Variants in OPRD1 observed in about 807,000 individuals in gnomAD.
OPRD1 encodes opioid receptor delta 1, also known as delta-type opioid receptor.
A neutral mutation model predicts 17.5 loss-of-function variants in OPRD1; 19 were observed. The ratio of observed to expected loss-of-function variants is 1.09; its 90% CI spans 0.76 to 1.60. The LOEUF (loss-of-function observed/expected upper bound fraction) is 1.60, where lower values mean the gene tolerates loss of function less well. OPRD1 is among the 40% of genes most tolerant of loss of function. OPRD1 has a pLI of 0.00. For missense variants in OPRD1, 483 were observed against 547.2 expected (o/e 0.88, Z 1.17); for synonymous variants, 256 against 240.9 (o/e 1.06, Z -0.58).
chr1:28,859,844 G>T lies in OPRD1; in HGVS notation c.577+541G>T, dbSNP rs113317085. On this transcript the variant is annotated intron_variant, in intron 2 of 2. Transcript: ENST00000234961. ...GGGAATGACAAATAGGAGCTAAAAT[G>T]GTAATTATAGTAACTGCCTGTATCA... Among the ~76,000 whole-genome samples, 922 of 152,302 alleles carry T rather than the reference G, an allele frequency of 6.1e-3. 7 individuals are homozygous for T. The highest frequency in any genetic ancestry group is 0.021 in the African/African-American group (878 of 41,560).
chr1:28,819,791 G>T (rs924944042), intron 1 of OPRD1, among the ~76,000 whole-genome samples: 1 of 152,194 alleles, frequency 6.6e-6, no homozygotes, highest in Non-Finnish European at 1.5e-5. Context: ...GGGACGTCTA[G>T]GTAGAGAAGC....
At chr1:28,817,501 TG>T (rs1362274474) in intron 1 of OPRD1, among the ~76,000 whole-genome samples, 1 of 152,198 alleles carries the variant, frequency 6.6e-6, no homozygotes, top group Non-Finnish European at 1.5e-5. Flanking sequence ...TAGCAGAATT[TG>T]TAGCACTGAA....
In OPRD1 at chr1:28,864,418, C is replaced by T. The variant is rs572718720; in HGVS notation, c.*1135C>T. On this transcript the variant is annotated 3_prime_UTR_variant, in exon 3 of 3. Coordinates refer to ENST00000234961, the MANE Select transcript of OPRD1 (RefSeq NM_000911.4). ...TGGGGCTTGGGACAGGACAGCAGAG[C>T]GGGGGGCAGCCACTCCAGGATAGGG... The T allele has an allele frequency of 1.0e-3, 154 of 152,642 alleles. 1 individual carries two copies. Among genetic ancestry groups the T allele is most frequent in the South Asian group, 2.5e-3 (12 of 4,834 alleles). 9.5% of individuals were successfully genotyped at this position (152,642 alleles called of 1,614,324 possible). A position where few individuals can be genotyped will look rare whatever the true frequency, so the allele number is the denominator to read the frequency against.
rs768118650 is a variant in OPRD1 at position 28,859,008 on chromosome 1, C to T, written c.282C>T (p.Ala94=). Residue 94 remains alanine, a synonymous_variant, in exon 2 of 3, where the codon GCC becomes GCT. Transcript: ENST00000234961. ...TNIYIFNLAL[A]DALATSTLPF... is the part of the protein sequence containing the mutation. ...TCTACATCTTCAACCTGGCCTTAGCCGATGCGCTGGCCACCAGCACGCTGC... is the reference window on the plus strand; with the variant it reads ...TCTACATCTTCAACCTGGCCTTAGCTGATGCGCTGGCCACCAGCACGCTGC... 1.0e-4 allele frequency: 161 copies of T among 1,613,788 alleles called. No homozygotes were observed. The highest frequency in any genetic ancestry group is 1.6e-4 in the Middle Eastern group (1 of 6,084).
chr1:28,848,521 T>G (rs563988160), intron 1 of OPRD1, among the ~76,000 whole-genome samples: 1 of 152,344 alleles, frequency 6.6e-6, no homozygotes, highest in East Asian at 1.9e-4. Context: ...GTTCAATGTC[T>G]GCCCCCTCCC....
intron 1 of OPRD1, among the ~76,000 whole-genome samples, chr1:28,846,858 C>CTTTCTTTCTTTCT (rs1557575987): frequency 1.4e-3 from 77 of 54,418 alleles, no homozygotes; most frequent in African/African-American, 3.8e-3. Context: ...TTCTTTCTTT[C>CTTTCTTTCTTTCT]TTTCTTTCTT....
At chr1:28,824,520 G>A (rs1177293098) in intron 1 of OPRD1, among the ~76,000 whole-genome samples, 1 of 150,980 alleles carries the variant, frequency 6.6e-6, no homozygotes, top group East Asian at 2.0e-4. Flanking sequence ...GGGTTTCACC[G>A]TGTTAGCCAG....
intron 1 of OPRD1, among the ~76,000 whole-genome samples, chr1:28,839,018 C>T (rs911540479): frequency 6.6e-6 from 1 of 151,722 alleles, no homozygotes; most frequent in Non-Finnish European, 1.5e-5. Flanking sequence ...CTCAAGTGAT[C>T]CTCCTGCCTC....
At chr1:28,843,616 T>C (rs2124277206) in intron 1 of OPRD1, among the ~76,000 whole-genome samples, 1 of 152,164 alleles carries the variant, frequency 6.6e-6, no homozygotes, top group African/African-American at 2.4e-5. Context: ...AGAATTTCCT[T>C]CTTCTTCTTT....
intron 2 of OPRD1, among the ~76,000 whole-genome samples, chr1:28,860,667 G>C (rs1242209156): frequency 6.6e-6 from 1 of 152,222 alleles, no homozygotes; most frequent in African/African-American, 2.4e-5. Context: ...TAGGGAAACA[G>C]AATCAGAGAG....
chr1:28,834,929 A>T (rs1172344621), intron 1 of OPRD1, among the ~76,000 whole-genome samples: 3 of 152,090 alleles, frequency 2.0e-5, no homozygotes, highest in Admixed American at 6.6e-5. Context: ...ATGTTCCCAC[A>T]GTGTCCTGTG....
At chr1:28,852,298 T>C (rs892586309) in intron 1 of OPRD1, among the ~76,000 whole-genome samples, 1 of 152,032 alleles carries the variant, frequency 6.6e-6, no homozygotes, top group Non-Finnish European at 1.5e-5. Context: ...AAGAGACATC[T>C]TATAGGTCTT....
Position 28,865,750 on chromosome 1 carries a change from A to G in OPRD1, c.*2467A>G, listed in dbSNP as rs1181936887. On this transcript the variant is annotated 3_prime_UTR_variant, in exon 3 of 3. Coordinates refer to ENST00000234961, the MANE Select transcript of OPRD1 (RefSeq NM_000911.4). ...CTGTGTCTGAGGGTGGGAGGTCGTCAGCATGGCAGGAGACACTTCTCCTCA... is the reference window on the plus strand; with the variant it reads ...CTGTGTCTGAGGGTGGGAGGTCGTCGGCATGGCAGGAGACACTTCTCCTCA... 5.3e-5 allele frequency: 8 copies of G among 152,074 alleles called. No individual in the cohort carries two copies. The highest frequency in any genetic ancestry group is 5.2e-4 in the Admixed American group (8 of 15,270). The allele number at this position is 152,074 out of a possible 1,614,324, so 9.4% of individuals were successfully genotyped here.
intron 1 of OPRD1, among the ~76,000 whole-genome samples, chr1:28,846,852 TTCTTTC>T (rs1557575974): frequency 1.7e-5 from 1 of 57,332 alleles, no homozygotes. Context: ...TTTCTTTTCT[TTCTTTC>T]TTTCTTTCTT....
chr1:28,826,383 G>A (rs188065726), intron 1 of OPRD1, among the ~76,000 whole-genome samples: 1 of 152,130 alleles, frequency 6.6e-6, no homozygotes, highest in Non-Finnish European at 1.5e-5. Context: ...AATTAGCCGG[G>A]TGTGGTGACA....
At chr1:28,815,078 A>G (rs1398292052) in intron 1 of OPRD1, among the ~76,000 whole-genome samples, 1 of 152,194 alleles carries the variant, frequency 6.6e-6, no homozygotes. Context: ...GGTAGAGGAC[A>G]GTCAAAGCAT....
chr1:28,845,037 A>T (rs962066788), intron 1 of OPRD1, among the ~76,000 whole-genome samples: 3 of 152,020 alleles, frequency 2.0e-5, no homozygotes, highest in Non-Finnish European at 4.4e-5. Flanking sequence ...CATTTGAGGC[A>T]CAAAAGTTTT....
At chr1:28,840,598 ACTGT>A (rs909125888) in intron 1 of OPRD1, among the ~76,000 whole-genome samples, 14 of 152,102 alleles carry the variant, frequency 9.2e-5, no homozygotes. Flanking sequence ...AATAATAAAC[ACTGT>A]CTGCCCCATA....
chr1:28,857,481 A>G (rs1346744870), intron 1 of OPRD1, among the ~76,000 whole-genome samples: 1 of 151,894 alleles, frequency 6.6e-6, no homozygotes, highest in Non-Finnish European at 1.5e-5. Flanking sequence ...TTACTTATTT[A>G]TTTTTGAGAC....
Sources: gnomAD v4.1 joint callset for allele counts (sites outside exome capture counted in the v4.1 genomes callset) on GRCh38, gnomAD v4.1.1 for gene constraint, MANE v1.5 for transcripts, NCBI Gene and HGNC (gene_info 2026-07-23, HGNC 2026-07-21) for gene names.